BMP5: variants seen among roughly 807,000 people sequenced by gnomAD.
BMP5 encodes bone morphogenetic protein 5.
In BMP5, 23 loss-of-function variants were observed where a neutral mutation model predicts 46.6. That is an observed-to-expected ratio of 0.49 (90% CI 0.35 to 0.70). The LOEUF is 0.70. Ranked by LOEUF, BMP5 falls within the 30% of genes least tolerant of loss-of-function variation. BMP5 has a pLI of 0.00. For missense variants in BMP5, 545 were observed against 565.6 expected (o/e 0.96, Z 0.37); for synonymous variants, 204 against 191.9 (o/e 1.06, Z -0.52).
intron 1 of BMP5, among the ~76,000 whole-genome samples, chr6:55,825,183 G>A (rs562322636): frequency 2.0e-5 from 3 of 151,610 alleles, no homozygotes; most frequent in South Asian, 2.1e-4. Flanking sequence ...TCAGCAAAAC[G>A]TATGCATTTT....
At chr6:55,769,864 A>G (rs1775005088) in intron 4 of BMP5, among the ~76,000 whole-genome samples, 1 of 151,876 alleles carries the variant, frequency 6.6e-6, no homozygotes, top group African/African-American at 2.4e-5. Flanking sequence ...GATCAAGTAC[A>G]TTGTCAATGG....
At chr6:55,818,635 G>A (rs1249422363) in intron 2 of BMP5, among the ~76,000 whole-genome samples, 2 of 152,092 alleles carry the variant, frequency 1.3e-5, no homozygotes, top group South Asian at 2.1e-4. Flanking sequence ...CAATAGACAT[G>A]ACCTCAGAAG....
chr6:55,755,791 C>T, intron 6 of BMP5, 109 bp from the exon 7 acceptor site: 1 of 1,059,322 alleles, frequency 9.4e-7, no homozygotes, highest in Non-Finnish European at 1.4e-6. Flanking sequence ...CACCATTAAG[C>T]TGATCTCCCT....
chr6:55,864,010 A>ATGCT (rs1388721555), intron 1 of BMP5, among the ~76,000 whole-genome samples: 1 of 152,148 alleles, frequency 6.6e-6, no homozygotes, highest in Non-Finnish European at 1.5e-5. Flanking sequence ...ATTTTTAAAG[A>ATGCT]TGCATAACCG....
chr6:55,810,049 C>T (rs1474900013), intron 2 of BMP5, among the ~76,000 whole-genome samples: 2 of 152,090 alleles, frequency 1.3e-5, no homozygotes, highest in Non-Finnish European at 2.9e-5. Context: ...ATTCAAGAGA[C>T]TACAAATTAA....
intron 4 of BMP5, among the ~76,000 whole-genome samples, chr6:55,772,066 T>C (rs937112962): frequency 1.3e-5 from 2 of 151,924 alleles, no homozygotes; most frequent in Admixed American, 1.3e-4. Context: ...GCTACTTTCT[T>C]TCTTCTTCTT....
intron 1 of BMP5, among the ~76,000 whole-genome samples, chr6:55,848,524 T>C (rs1454407526): frequency 6.6e-6 from 1 of 151,946 alleles, no homozygotes; most frequent in Non-Finnish European, 1.5e-5. Context: ...AAAAGAAAGT[T>C]CTTGTTTATC....
chr6:55,761,109 A>C (rs1366606540), intron 4 of BMP5, among the ~76,000 whole-genome samples: 1 of 151,970 alleles, frequency 6.6e-6, no homozygotes, highest in Non-Finnish European at 1.5e-5. Flanking sequence ...AAAAACCAAA[A>C]CAAAACAACA....
chr6:55,811,744 CTA>C (rs1562049890), intron 2 of BMP5, among the ~76,000 whole-genome samples: 1 of 151,554 alleles, frequency 6.6e-6, no homozygotes, highest in East Asian at 1.9e-4. Context: ...GTTGTTTTGC[CTA>C]TGGAAACTTC....
In BMP5 at chr6:55,874,999, A is replaced by G; in HGVS notation, c.-134T>C. On this transcript the variant is annotated 5_prime_UTR_variant, in exon 1 of 7. The change abolishes an upstream ATG in the 5' untranslated region. Transcript: ENST00000370830. ...TTTACCTATTTTTCATGACAGTGAC[A>G]TTTCTGAGCACAACATCCTCACCGA... 1.0e-6 allele frequency: 1 copy of G among 990,338 alleles called. No individual in the cohort carries two copies. Among genetic ancestry groups the G allele is most frequent in the Non-Finnish European group, 1.5e-6 (1 of 668,230 alleles). 61.3% of individuals were successfully genotyped at this position (990,338 alleles called of 1,614,324 possible).
At chr6:55,863,162 C>T (rs1265039597) in intron 1 of BMP5, among the ~76,000 whole-genome samples, 1 of 152,144 alleles carries the variant, frequency 6.6e-6, no homozygotes, top group Non-Finnish European at 1.5e-5. Context: ...ACTCCAGTTT[C>T]CATAGATGTG....
At chr6:55,803,826 G>T (rs2127532555) in intron 2 of BMP5, among the ~76,000 whole-genome samples, 1 of 152,310 alleles carries the variant, frequency 6.6e-6, no homozygotes, top group East Asian at 1.9e-4. Context: ...GCATGAGAAA[G>T]ACATGGTTTC....
chr6:55,840,186 G>C (rs752918544), intron 1 of BMP5, among the ~76,000 whole-genome samples: 8 of 152,114 alleles, frequency 5.3e-5, no homozygotes, highest in East Asian at 1.9e-4. Flanking sequence ...TCAGTATACA[G>C]AAATACAATT....
intron 3 of BMP5, among the ~76,000 whole-genome samples, chr6:55,792,914 CTCT>C: frequency 6.6e-6 from 1 of 152,158 alleles, no homozygotes; most frequent in Non-Finnish European, 1.5e-5. Flanking sequence ...AAGATACGTT[CTCT>C]TATTAATGAT....
intron 1 of BMP5, among the ~76,000 whole-genome samples, chr6:55,861,002 A>G (rs774924430): frequency 1.2e-4 from 19 of 152,220 alleles, no homozygotes; most frequent in Non-Finnish European, 2.5e-4. Flanking sequence ...CTCACTTTAC[A>G]CATGCAAGAG....
At chr6:55,834,115 C>T (rs1374952978) in intron 1 of BMP5, among the ~76,000 whole-genome samples, 4 of 152,200 alleles carry the variant, frequency 2.6e-5, no homozygotes, top group Admixed American at 6.5e-5. Flanking sequence ...TGCAAGCAAT[C>T]ACCTAATTAC....
At chr6:55,760,638 T>C in intron 4 of BMP5, 105 bp from the exon 5 acceptor site, 1 of 1,001,704 alleles carries the variant, frequency 1.0e-6, no homozygotes, top group Non-Finnish European at 1.5e-6. Flanking sequence ...TTATTTGAAG[T>C]TGTGGAAAAA....
intron 2 of BMP5, among the ~76,000 whole-genome samples, chr6:55,800,020 G>A (rs903885066): frequency 6.6e-5 from 10 of 152,176 alleles, no homozygotes; most frequent in African/African-American, 2.4e-4. Context: ...TTAAATAAAT[G>A]CTAAAAAACA....
chr6:55,853,834 T>C (rs1486321897), intron 1 of BMP5, among the ~76,000 whole-genome samples: 1 of 152,214 alleles, frequency 6.6e-6, no homozygotes, highest in Non-Finnish European at 1.5e-5. Flanking sequence ...TTACGATCAC[T>C]GTGCTATCAT....
Sources: allele counts gnomAD v4.1 joint callset (sites outside exome capture counted in the v4.1 genomes callset), GRCh38; gene constraint gnomAD v4.1.1; transcripts MANE v1.5; gene names NCBI Gene and HGNC (gene_info 2026-07-23, HGNC 2026-07-21).